CCNT2: variants seen among roughly 807,000 people sequenced by gnomAD.
CCNT2 encodes the protein cyclin T2.
Under a neutral mutation model 70.0 loss-of-function variants are expected in CCNT2, and 18 were observed. That is an observed-to-expected ratio of 0.26 (90% CI 0.18 to 0.38). The LOEUF (loss-of-function observed/expected upper bound fraction) is 0.38. CCNT2 is among the 10% of genes least tolerant of loss of function. CCNT2 has a pLI of 1.00. For synonymous variants in CCNT2, 334 were observed against 313.3 expected, an observed-to-expected ratio of 1.07 and a Z score of -0.70; for missense variants, 734 against 890.2, an observed-to-expected ratio of 0.82 and a Z score of 2.23.
chr2:134,943,423 G>C (rs773209209), intron 5 of CCNT2: 23 of 984,504 alleles, frequency 2.3e-5, no homozygotes, highest in South Asian at 4.7e-5. Context: ...TTATTTTTGT[G>C]GGGGGAGTGT....
At chr2:134,929,636 A>AGAGAGAGAGAGAGAGAGAGAGAG (rs1419165195) in intron 2 of CCNT2, among the ~76,000 whole-genome samples, 31 of 129,788 alleles carry the variant, frequency 2.4e-4, no homozygotes, top group East Asian at 8.0e-4. Context: ...AGAGAGAGAG[A>AGAGAGAGAGAGAGAGAGAGAGAG]ACTAATAAAT....
At chr2:134,952,864 T>A in intron 8 of CCNT2, 153 bp downstream of exon 8, 1 of 609,366 alleles carries the variant, frequency 1.6e-6, no homozygotes, top group South Asian at 2.3e-5. Flanking sequence ...ATTCAACTAC[T>A]GAGTCCAGTG....
chr2:134,923,895 T>A (rs1680093444), intron 2 of CCNT2, among the ~76,000 whole-genome samples: 1 of 152,228 alleles, frequency 6.6e-6, no homozygotes, highest in African/African-American at 2.4e-5. Flanking sequence ...TGCCAGTGAT[T>A]TGTAAGATTT....
At chr2:134,937,651 C>T (rs1681259206) in intron 3 of CCNT2, among the ~76,000 whole-genome samples, 1 of 152,178 alleles carries the variant, frequency 6.6e-6, no homozygotes, top group Non-Finnish European at 1.5e-5. Flanking sequence ...CACAGTGGCT[C>T]ATGCCTGTAA....
chr2:134,931,289 G>GTTTTTTTTTTTTTTTTTTTTTTTTTT (rs1449427550), intron 2 of CCNT2, among the ~76,000 whole-genome samples: 3 of 52,862 alleles, frequency 5.7e-5, no homozygotes, highest in South Asian at 9.7e-4. Flanking sequence ...TTTTTTTTTG[G>GTTTTTTTTTTTTTTTTTTTTTTTTTT]TATTTGAATA....
chr2:134,935,206 T>G (rs2105044634), intron 2 of CCNT2, among the ~76,000 whole-genome samples: 1 of 152,358 alleles, frequency 6.6e-6, no homozygotes, highest in South Asian at 2.1e-4. Context: ...TTGTTGTAAT[T>G]TTAAAAGGAA....
chr2:134,935,375 G>A (rs1238337682), intron 2 of CCNT2, among the ~76,000 whole-genome samples: 3 of 152,186 alleles, frequency 2.0e-5, no homozygotes, highest in African/African-American at 4.8e-5. Flanking sequence ...ATCTGCAAAT[G>A]CAGTTGGACT....
In CCNT2 at chr2:134,953,400, A is replaced by G. The variant is rs1281272510; in HGVS notation, c.945A>G (p.Leu315=). The part of the protein sequence containing the change: ...STSAFPAPVP[L]NSGNISVQDS... ...CAGCATTCCCTGCGCCAGTACCTCT[A>G]AATTCAGGAAATATTTCTGTTCAAG... The change falls in exon 9 of 9, where the codon CTA becomes CTG. Residue 315 remains leucine (L), a synonymous_variant. Coordinates refer to ENST00000264157, the MANE Select transcript of CCNT2 (RefSeq NM_058241.3). The G allele has an allele frequency of 1.0e-5, 16 of 1,603,962 alleles. No homozygotes were observed. The highest frequency in any genetic ancestry group is 1.4e-5 in the Non-Finnish European group (16 of 1,174,682).
chr2:134,946,045 G>A (rs1681936413), intron 5 of CCNT2, 56 bp from the exon 6 acceptor site: 2 of 1,606,576 alleles, frequency 1.2e-6, no homozygotes, highest in East Asian at 2.2e-5. Flanking sequence ...AGAACTTTTT[G>A]ATTGTAGCAC....
In CCNT2 at chr2:134,957,146, C is replaced by T. The variant is rs946436543; in HGVS notation, c.*2498C>T. The T allele has an allele frequency of 1.3e-5, 2 of 152,184 alleles. No individual in the cohort carries two copies. The highest frequency in any genetic ancestry group is 6.5e-5 in the Admixed American group (1 of 15,278). 9.4% of individuals were successfully genotyped at this position (152,184 alleles called of 1,614,324 possible). A position where few individuals can be genotyped will look rare whatever the true frequency, so the allele number is the denominator to read the frequency against. On this transcript the variant is annotated 3_prime_UTR_variant, in exon 9 of 9. Transcript: ENST00000264157. Reference sequence around the variant, plus strand: ...CCATTAAACAAAAACCCTTATAATTCATACTATCATGAATTTGCTTTATCC... The same window carrying T: ...CCATTAAACAAAAACCCTTATAATTTATACTATCATGAATTTGCTTTATCC...
chr2:134,927,369 C>T (rs1680368677), intron 2 of CCNT2, among the ~76,000 whole-genome samples: 1 of 152,022 alleles, frequency 6.6e-6, no homozygotes, highest in African/African-American at 2.4e-5. Context: ...CACACAGATA[C>T]ATGTATATTT....
chr2:134,926,058 G>T (rs1391478189), intron 2 of CCNT2, among the ~76,000 whole-genome samples: 3 of 151,676 alleles, frequency 2.0e-5, no homozygotes, highest in African/African-American at 7.3e-5. Flanking sequence ...AGAGACAGGG[G>T]TCTCACCATG....
intron 7 of CCNT2, among the ~76,000 whole-genome samples, chr2:134,951,125 A>C (rs1682470149): frequency 6.6e-6 from 1 of 151,782 alleles, no homozygotes; most frequent in African/African-American, 2.4e-5. Context: ...AAAGCTCATG[A>C]GACTTTAGCA....
At chr2:134,950,263 T>G (rs1232534924) in intron 7 of CCNT2, among the ~76,000 whole-genome samples, 2 of 152,166 alleles carry the variant, frequency 1.3e-5, no homozygotes, top group East Asian at 3.8e-4. Context: ...AAAGTAAAGT[T>G]TGTTAATTTG....
intron 5 of CCNT2, chr2:134,944,379 A>G (rs925636350): frequency 2.0e-5 from 19 of 963,060 alleles, no homozygotes; most frequent in Non-Finnish European, 2.2e-5. Flanking sequence ...TAAAAATATT[A>G]CTTGTGAATA....
chr2:134,940,039 C>T (rs568408684), intron 4 of CCNT2, among the ~76,000 whole-genome samples: 9 of 152,274 alleles, frequency 5.9e-5, no homozygotes, highest in African/African-American at 2.2e-4. Flanking sequence ...GCAAAAGTTC[C>T]TTTACCTGTT....
intron 3 of CCNT2, among the ~76,000 whole-genome samples, chr2:134,938,214 T>C (rs1343683226): frequency 6.6e-6 from 1 of 152,190 alleles, no homozygotes; most frequent in African/African-American, 2.4e-5. Flanking sequence ...TTGACTGTTT[T>C]AAAAATCAGC....
chr2:134,952,985 C>A, intron 8 of CCNT2: 1 of 481,890 alleles, frequency 2.1e-6, no homozygotes, highest in South Asian at 4.1e-5. Context: ...AGTTAAATTA[C>A]TTTCTGAAGT....
intron 2 of CCNT2, among the ~76,000 whole-genome samples, chr2:134,935,245 T>C (rs1681060446): frequency 6.6e-6 from 1 of 152,218 alleles, no homozygotes; most frequent in African/African-American, 2.4e-5. Flanking sequence ...AAATTAAAAT[T>C]ATTCACTCAT....
Sources: allele counts gnomAD v4.1 joint callset (sites outside exome capture counted in the v4.1 genomes callset), GRCh38; gene constraint gnomAD v4.1.1; transcripts MANE v1.5; gene names NCBI Gene and HGNC (gene_info 2026-07-23, HGNC 2026-07-21).